The following NRG1 variants were observed in gnomAD, a reference collection of about 807,000 sequenced individuals.
NRG1 encodes pro-neuregulin-1, membrane-bound isoform.
A neutral mutation model predicts 63.8 loss-of-function variants in NRG1; 18 were observed. The ratio of observed to expected loss-of-function variants is 0.28; its 90% CI spans 0.19 to 0.42. NRG1 has a LOEUF of 0.42. Among genes scored for constraint, NRG1 ranks in the 10% least tolerant of loss-of-function variants. The pLI is 1.00. For missense variants in NRG1, 762 were observed against 814.7 expected (o/e 0.94, Z 0.79); for synonymous variants, 302 against 301.3 (o/e 1.00, Z -0.02).
intron 1 of NRG1, among the ~76,000 whole-genome samples, chr8:32,291,885 T>G (rs577695614): frequency 6.6e-6 from 1 of 152,226 alleles, no homozygotes; most frequent in South Asian, 2.1e-4. Flanking sequence ...AAATATAAAC[T>G]AGAAAATGAG....
chr8:32,066,685 C>A (rs1017484440), intron 1 of NRG1, among the ~76,000 whole-genome samples: 102 of 152,184 alleles, frequency 6.7e-4, no homozygotes, highest in African/African-American at 2.4e-3. Context: ...TTTTTTGGTT[C>A]CATAGGAACT....
At chr8:31,939,230 A>G (rs923135684) in intron 1 of NRG1, among the ~76,000 whole-genome samples, 1 of 152,224 alleles carries the variant, frequency 6.6e-6, no homozygotes, top group Admixed American at 6.5e-5. Context: ...AAACCCTACA[A>G]GTTAGAAGAG....
At chr8:32,485,155 C>A (rs1825759185) in intron 1 of NRG1, among the ~76,000 whole-genome samples, 1 of 144,792 alleles carries the variant, frequency 6.9e-6, no homozygotes, top group Non-Finnish European at 1.5e-5. Context: ...ACTCTTGTTG[C>A]CTAGGCTGGA....
chr8:31,800,942 G>A (rs1230648371), intron 1 of NRG1, among the ~76,000 whole-genome samples: 1 of 143,654 alleles, frequency 7.0e-6, no homozygotes, highest in Non-Finnish European at 1.5e-5. Context: ...CCAGGTTCAC[G>A]CCATTCACCT....
intron 1 of NRG1, among the ~76,000 whole-genome samples, chr8:32,497,212 C>T (rs1410585469): frequency 1.3e-5 from 2 of 151,860 alleles, no homozygotes. Context: ...TTTGGGAGGC[C>T]GAGGCAGGTG....
intron 1 of NRG1, among the ~76,000 whole-genome samples, chr8:32,365,510 T>A (rs536708530): frequency 1.4e-3 from 216 of 152,314 alleles, no homozygotes; most frequent in Non-Finnish European, 2.1e-3. Context: ...GTTCTTTTTT[T>A]ATTTTGATAT....
chr8:31,823,765 TC>T (rs1233835451), intron 1 of NRG1, among the ~76,000 whole-genome samples: 4 of 152,334 alleles, frequency 2.6e-5, no homozygotes, highest in African/African-American at 9.6e-5. Context: ...ATTATTGCAA[TC>T]TGGGCAATTC....
intron 5 of NRG1, among the ~76,000 whole-genome samples, chr8:32,645,333 G>T (rs1853286116): frequency 6.6e-6 from 1 of 152,168 alleles, no homozygotes; most frequent in African/African-American, 2.4e-5. Flanking sequence ...CATTTACTGT[G>T]CAGATTATAG....
intron 3 of NRG1, 190 bp from the exon 4 acceptor site, chr8:32,614,324 A>G: frequency 2.1e-6 from 1 of 480,006 alleles, no homozygotes. Flanking sequence ...TTGCATAAGA[A>G]AGGAGAACTA....
At position 32,452,953 on chromosome 8, in the gene NRG1, T is replaced by A. The variant is rs974512095; in HGVS notation, c.38-142875T>A. 9.9e-5 allele frequency among the ~76,000 whole-genome samples: 15 copies of A among 152,200 alleles called. 2 individuals are homozygous for A. The highest frequency in any genetic ancestry group is 8.5e-4 in the Admixed American group (13 of 15,266). On this transcript the variant is annotated intron_variant, in intron 1 of 10. Coordinates refer to the NRG1 transcript ENST00000519301. ...GAGACAAAGAGGTCAGTAGGCCAGG[T>A]TCTGCATAGAATATAAGCTATTTTT...
At chr8:31,968,292 A>G (rs1162626690) in intron 1 of NRG1, among the ~76,000 whole-genome samples, 4 of 152,190 alleles carry the variant, frequency 2.6e-5, no homozygotes, top group Non-Finnish European at 5.9e-5. Context: ...ATTGAGAAGG[A>G]TTTAGCAACC....
intron 1 of NRG1, among the ~76,000 whole-genome samples, chr8:32,413,926 GT>G (rs763196558): frequency 0.11 from 15,529 of 143,310 alleles, 1,005 homozygotes; most frequent in South Asian, 0.15. Flanking sequence ...TTTCTTCTAG[GT>G]TTTTTTTTTT....
chr8:32,212,201 A>C (rs547529098), intron 1 of NRG1, among the ~76,000 whole-genome samples: 1 of 152,304 alleles, frequency 6.6e-6, no homozygotes, highest in South Asian at 2.1e-4. Context: ...CATGACCATA[A>C]AATAGGGGCA....
chr8:32,364,105 T>C (rs543230872), intron 1 of NRG1, among the ~76,000 whole-genome samples: 2 of 121,522 alleles, frequency 1.6e-5, no homozygotes, highest in Admixed American at 8.9e-5. Context: ...TTTTTGCTGG[T>C]GTTTCAAAAT....
At chr8:32,451,374 T>C (rs1239915759) in intron 1 of NRG1, among the ~76,000 whole-genome samples, 3 of 152,180 alleles carry the variant, frequency 2.0e-5, no homozygotes, top group African/African-American at 4.8e-5. Context: ...CACTATTGCC[T>C]CCTGGCAAAA....
chr8:31,767,365 A>G (rs1185463396), intron 1 of NRG1, among the ~76,000 whole-genome samples: 3 of 152,208 alleles, frequency 2.0e-5, no homozygotes, highest in Admixed American at 6.5e-5. Flanking sequence ...CTAGAGTCCT[A>G]TGCTCCTTTA....
At chr8:32,280,698 T>C (rs535796170) in intron 1 of NRG1, among the ~76,000 whole-genome samples, 1 of 133,144 alleles carries the variant, frequency 7.5e-6, no homozygotes, top group Admixed American at 7.8e-5. Flanking sequence ...TTTGTTTTTT[T>C]TTTTTTTTTT....
intron 1 of NRG1, among the ~76,000 whole-genome samples, chr8:32,578,589 A>C (rs949033857): frequency 1.3e-5 from 2 of 151,678 alleles, no homozygotes; most frequent in Non-Finnish European, 2.9e-5. Flanking sequence ...TTTTCACCAC[A>C]GTGCTGACAA....
intron 1 of NRG1, among the ~76,000 whole-genome samples, chr8:31,929,784 G>A (rs1834714165): frequency 6.6e-6 from 1 of 151,970 alleles, no homozygotes; most frequent in African/African-American, 2.4e-5. Flanking sequence ...TCTAAAAACT[G>A]TATTTCTGTC....
Sources: allele counts gnomAD v4.1 joint callset (sites outside exome capture counted in the v4.1 genomes callset), GRCh38; gene constraint gnomAD v4.1.1; transcripts MANE v1.5; gene names NCBI Gene and HGNC (gene_info 2026-07-23, HGNC 2026-07-21).